Variants in PPM1E observed in about 807,000 individuals in gnomAD.
The protein encoded by PPM1E is protein phosphatase 1E.
A neutral mutation model predicts 65.9 loss-of-function variants in PPM1E; 20 were observed. That is an observed-to-expected ratio of 0.30 (90% CI 0.21 to 0.44). The LOEUF is 0.44. Ranked by LOEUF, PPM1E falls within the 20% of genes least tolerant of loss-of-function variation. The pLI, the probability that PPM1E is intolerant of heterozygous loss-of-function variation, is 1.00. For synonymous variants in PPM1E, 352 were observed against 374.9 expected, an observed-to-expected ratio of 0.94 and a Z score of 0.70; for missense variants, 713 against 953.1, an observed-to-expected ratio of 0.75 and a Z score of 3.32.
rs1567842177 is a variant in PPM1E at position 58,816,773 on chromosome 17, TATATATATATATATATA to T, written c.464+60313_464+60329del. Among the ~76,000 whole-genome samples the T allele has an allele frequency of 2.2e-3, 40 of 18,334 alleles. 3 individuals carry two copies. The highest frequency in any genetic ancestry group is 7.6e-3 in the South Asian group (6 of 788). The allele number at this position is 18,334 out of a possible 152,430, so 12.0% of individuals were successfully genotyped here. The stretch of plus-strand genomic sequence containing the variant: ...ATATATATATATATATATATATATA[TATATATATATATATATA>T]TATATTTTTTTTTTTTTTTTTTTGA... On this transcript the variant is annotated intron_variant, in intron 1 of 6. Transcript: ENST00000308249.
At chr17:58,953,326 G>T (rs2052266593) in intron 1 of PPM1E, among the ~76,000 whole-genome samples, 1 of 152,188 alleles carries the variant, frequency 6.6e-6, no homozygotes, top group Non-Finnish European at 1.5e-5. Flanking sequence ...TCTGCTTCTG[G>T]TGAGGGCTTA....
chr17:58,836,743 C>T (rs540812400), intron 1 of PPM1E, among the ~76,000 whole-genome samples: 14 of 149,752 alleles, frequency 9.3e-5, no homozygotes, highest in Admixed American at 2.0e-4. Flanking sequence ...GATTATTGGC[C>T]GGGCGCGGTG....
intron 1 of PPM1E, among the ~76,000 whole-genome samples, chr17:58,767,767 C>T (rs560962010): frequency 1.3e-5 from 2 of 152,104 alleles, no homozygotes; most frequent in African/African-American, 4.8e-5. Context: ...CTTAGGCTCC[C>T]GAGTAGCTGG....
chr17:58,870,532 T>A (rs1198605937), intron 1 of PPM1E, among the ~76,000 whole-genome samples: 1 of 152,170 alleles, frequency 6.6e-6, no homozygotes, highest in Admixed American at 6.5e-5. Flanking sequence ...GTTATGTCCA[T>A]GTGTACCGAT....
chr17:58,801,491 G>C (rs2050257830), intron 1 of PPM1E, among the ~76,000 whole-genome samples: 1 of 140,184 alleles, frequency 7.1e-6, no homozygotes, highest in African/African-American at 2.7e-5. Flanking sequence ...GCCTAGACTG[G>C]AATGCAGTGG....
intron 1 of PPM1E, among the ~76,000 whole-genome samples, chr17:58,800,540 A>G (rs1399693861): frequency 1.3e-5 from 2 of 152,126 alleles, no homozygotes; most frequent in Non-Finnish European, 2.9e-5. Flanking sequence ...CAGTAAAACT[A>G]TCTTGGCATG....
chr17:58,833,079 G>C (rs1459424105), intron 1 of PPM1E, among the ~76,000 whole-genome samples: 1 of 151,754 alleles, frequency 6.6e-6, no homozygotes, highest in Non-Finnish European at 1.5e-5. Context: ...ACCTGCCTCA[G>C]CCTCACAAGA....
rs377147999 is a variant in PPM1E, at chr17:58,930,250, TACACACAC to T, written c.465-25371_465-25364del. On this transcript the variant is annotated intron_variant, in intron 1 of 6. Coordinates refer to ENST00000308249, the MANE Select transcript of PPM1E (RefSeq NM_014906.5). ...ACCTCTACAATAAATTAAATGTATATACACACACACACACACACACACACACACACACA... is the reference window on the plus strand; with the variant it reads ...ACCTCTACAATAAATTAAATGTATATACACACACACACACACACACACACA... Among the ~76,000 whole-genome samples the T allele has an allele frequency of 6.6e-4, 94 of 143,300 alleles. 1 individual carries two copies. Among genetic ancestry groups the T allele is most frequent in the South Asian group, 1.1e-3 (5 of 4,432 alleles). The allele number at this position is 143,300 out of a possible 152,430, so 94.0% of individuals were successfully genotyped here. A position where few individuals can be genotyped will look rare whatever the true frequency, so the allele number is the denominator to read the frequency against.
chr17:58,865,515 G>T lies in PPM1E; in HGVS notation c.465-90134G>T, dbSNP rs562264986. Among the ~76,000 whole-genome samples, 3 of 152,278 alleles carry T rather than the reference G, an allele frequency of 2.0e-5. No individual in the cohort carries two copies. In the East Asian group the frequency reaches 5.8e-4, roughly 29 times the overall value. On this transcript the variant is annotated intron_variant, in intron 1 of 6. Coordinates refer to ENST00000308249, the MANE Select transcript of PPM1E (RefSeq NM_014906.5). ...CATTTGAGCCCAGAGTTTCAGACCA[G>T]CCTGGGCAACATGGCGAAACCCGTC...
At chr17:58,922,098 A>G (rs1043351395) in intron 1 of PPM1E, among the ~76,000 whole-genome samples, 2 of 151,760 alleles carry the variant, frequency 1.3e-5, no homozygotes, top group Non-Finnish European at 2.9e-5. Flanking sequence ...ATATTTTAGT[A>G]TATATTTAGT....
At chr17:58,939,037 C>T (rs1299820951) in intron 1 of PPM1E, among the ~76,000 whole-genome samples, 1 of 152,076 alleles carries the variant, frequency 6.6e-6, no homozygotes, top group East Asian at 1.9e-4. Context: ...ATCCACCCAC[C>T]TCAGCCTCCC....
intron 2 of PPM1E, among the ~76,000 whole-genome samples, chr17:58,965,073 T>C (rs550598567): frequency 7.7e-4 from 115 of 148,732 alleles, no homozygotes; most frequent in African/African-American, 2.3e-3. Context: ...AGTATATATA[T>C]ACACACACAC....
At chr17:58,770,208 C>T (rs1448785051) in intron 1 of PPM1E, among the ~76,000 whole-genome samples, 1 of 151,998 alleles carries the variant, frequency 6.6e-6, no homozygotes, top group Admixed American at 6.6e-5. Flanking sequence ...AAAAATGGCT[C>T]AAAGTAAAGC....
intron 1 of PPM1E, among the ~76,000 whole-genome samples, chr17:58,825,218 ACACACT>A (rs1273409633): frequency 1.9e-5 from 2 of 107,422 alleles, no homozygotes; most frequent in South Asian, 3.7e-4. Flanking sequence ...ATTCTCACAC[ACACACT>A]CACACACACA....
intron 1 of PPM1E, among the ~76,000 whole-genome samples, chr17:58,821,850 T>C (rs147498810): frequency 1.1e-4 from 17 of 152,326 alleles, no homozygotes; most frequent in African/African-American, 4.1e-4. Context: ...AACTGTCCTT[T>C]CCCAAATTTC....
Position 58,756,368 on chromosome 17 carries a change from T to G in PPM1E, c.371T>G (p.Leu124Trp). 1 of 1,376,214 alleles carries G rather than the reference T, an allele frequency of 7.3e-7. No homozygotes were observed. The highest frequency in any genetic ancestry group is 9.4e-7 in the Non-Finnish European group (1 of 1,067,070). 85.3% of individuals were successfully genotyped at this position (1,376,214 alleles called of 1,614,324 possible). Residue 124 changes from leucine to tryptophan, a missense_variant, in exon 1 of 7, where the codon TTG becomes TGG. This residue lies in a region of PPM1E where 212 missense variants were observed against 204.0 expected (regional missense o/e 1.04). Transcript: ENST00000308249. The part of the protein sequence containing the change: ...VPPPPPQLPP[L>W]PPLPRPLSER... ...CCGCCGCCGCCCCAGCTGCCGCCTT[T>G]GCCCCCGCTCCCGCGACCGCTGTCA...
chr17:58,911,682 A>G (rs2051628802), intron 1 of PPM1E, among the ~76,000 whole-genome samples: 1 of 152,226 alleles, frequency 6.6e-6, no homozygotes, highest in South Asian at 2.1e-4. Flanking sequence ...AAAGTCATTC[A>G]TTCATTCAAC....
At chr17:58,813,029 A>C (rs900582157) in intron 1 of PPM1E, among the ~76,000 whole-genome samples, 6 of 152,206 alleles carry the variant, frequency 3.9e-5, no homozygotes, top group Non-Finnish European at 8.8e-5. Flanking sequence ...CAGTAGTCAT[A>C]ATAATTTGTG....
intron 1 of PPM1E, among the ~76,000 whole-genome samples, chr17:58,949,487 T>C (rs1460752123): frequency 6.6e-6 from 1 of 152,186 alleles, no homozygotes; most frequent in African/African-American, 2.4e-5. Context: ...ATTCAGCCAG[T>C]TTCTTTTAAT....
Sources: allele counts gnomAD v4.1 joint callset (sites outside exome capture counted in the v4.1 genomes callset), GRCh38; gene constraint gnomAD v4.1.1; regional missense constraint gnomAD v4.1.1; transcripts MANE v1.5; gene names NCBI Gene and HGNC (gene_info 2026-07-23, HGNC 2026-07-21).